Variants in ITFG1 observed in about 807,000 individuals in gnomAD.
The protein encoded by ITFG1 is integrin alpha FG-GAP repeat containing 1, also known as T-cell immunomodulatory protein.
A neutral mutation model predicts 81.8 loss-of-function variants in ITFG1; 34 were observed. That is an observed-to-expected ratio of 0.42 (90% CI 0.32 to 0.55). The LOEUF is 0.55. ITFG1 is among the 20% of genes least tolerant of loss of function. ITFG1 has a pLI of 0.17. For synonymous variants in ITFG1, 285 were observed against 270.6 expected (o/e 1.05, Z -0.52); for missense variants, 672 against 755.4 (o/e 0.89, Z 1.29).
At chr16:47,395,366 C>A (rs1363272204) in intron 6 of ITFG1, among the ~76,000 whole-genome samples, 1 of 152,106 alleles carries the variant, frequency 6.6e-6, no homozygotes, top group African/African-American at 2.4e-5. Context: ...CAATGAGACA[C>A]CATGATCATT....
intron 12 of ITFG1, among the ~76,000 whole-genome samples, chr16:47,242,529 G>A (rs775071781): frequency 2.6e-5 from 4 of 151,690 alleles, no homozygotes; most frequent in Non-Finnish European, 5.9e-5. Context: ...GAAAGGACAA[G>A]GACTATAGAT....
At chr16:47,419,601 CTTTT>C (rs34405979) in intron 6 of ITFG1, among the ~76,000 whole-genome samples, 3 of 81,984 alleles carry the variant, frequency 3.7e-5, no homozygotes, top group South Asian at 5.3e-4. Context: ...TACTTCAGGT[CTTTT>C]TTTTTTTTTT....
intron 10 of ITFG1, among the ~76,000 whole-genome samples, chr16:47,266,348 G>A (rs776621857): frequency 1.3e-5 from 2 of 152,148 alleles, no homozygotes; most frequent in African/African-American, 2.4e-5. Context: ...CTCTGGAGTA[G>A]CTGGAATTAC....
At chr16:47,329,392 C>T (rs893218464) in intron 8 of ITFG1, among the ~76,000 whole-genome samples, 1 of 152,036 alleles carries the variant, frequency 6.6e-6, no homozygotes, top group Non-Finnish European at 1.5e-5. Flanking sequence ...AAAATGCTAC[C>T]AGCAGTCCAC....
At chr16:47,382,514 C>T (rs1005753115) in intron 6 of ITFG1, among the ~76,000 whole-genome samples, 6 of 152,120 alleles carry the variant, frequency 3.9e-5, no homozygotes, top group Admixed American at 6.5e-5. Context: ...TAATTCAAGA[C>T]GGTACACAAC....
intron 10 of ITFG1, among the ~76,000 whole-genome samples, chr16:47,275,379 C>T (rs989202800): frequency 6.6e-6 from 1 of 151,978 alleles, no homozygotes; most frequent in African/African-American, 2.4e-5. Flanking sequence ...CAAGTAAATA[C>T]ACAATAATAG....
intron 6 of ITFG1, among the ~76,000 whole-genome samples, chr16:47,386,753 T>C (rs1391754583): frequency 6.6e-6 from 1 of 152,212 alleles, no homozygotes; most frequent in East Asian, 1.9e-4. Context: ...TCTGGAGCCA[T>C]GCTCAGGGAT....
chr16:47,280,198 T>TA (rs1323992769), intron 10 of ITFG1, among the ~76,000 whole-genome samples: 9 of 152,150 alleles, frequency 5.9e-5, no homozygotes, highest in African/African-American at 2.2e-4. Flanking sequence ...TTCTCAGTAT[T>TA]AGAGAAAAGC....
chr16:47,416,584 C>A (rs1249891578), intron 6 of ITFG1, among the ~76,000 whole-genome samples: 1 of 152,096 alleles, frequency 6.6e-6, no homozygotes, highest in African/African-American at 2.4e-5. Flanking sequence ...GGGAGTGGAC[C>A]CCTCATGAAT....
In ITFG1 at chr16:47,246,030, T is replaced by C. The variant is rs146778596; in HGVS notation, c.1331-8022A>G. Among the ~76,000 whole-genome samples the C allele has an allele frequency of 2.6e-5, 4 of 152,238 alleles. No individual in the cohort carries two copies. The East Asian group carries it at 7.7e-4, about 29-fold the overall frequency. On this transcript the variant is annotated intron_variant, in intron 12 of 17. Transcript: ENST00000320640. ...ATCGATGAACTATTGGGTTATTTTC[T>C]GTATAAGATAAAATGTCTGTGTCTT...
In ITFG1 at chr16:47,374,823, T is replaced by G. The variant is rs115790630; in HGVS notation, c.720+1053A>C. ...GCTTAGAAGTAGTCGGAAGCTCTGATTTCATCTAAACAAAGCAACCCCCCA... is the reference window on the plus strand; with the variant it reads ...GCTTAGAAGTAGTCGGAAGCTCTGAGTTCATCTAAACAAAGCAACCCCCCA... On this transcript the variant is annotated intron_variant, in intron 7 of 17. Transcript: ENST00000320640. Among the ~76,000 whole-genome samples, 1,143 of 152,192 alleles carry G rather than the reference T, an allele frequency of 7.5e-3. 19 individuals are homozygous for G. The highest frequency in any genetic ancestry group is 0.026 in the African/African-American group (1,083 of 41,534).
At chr16:47,216,747 T>C (rs942524812) in intron 14 of ITFG1, among the ~76,000 whole-genome samples, 1 of 150,852 alleles carries the variant, frequency 6.6e-6, no homozygotes, top group Non-Finnish European at 1.5e-5. Context: ...CTGCAACATC[T>C]ACCTCCCAGG....
chr16:47,427,843 ATTG>A (rs1361454168), intron 6 of ITFG1, among the ~76,000 whole-genome samples: 3 of 152,172 alleles, frequency 2.0e-5, no homozygotes, highest in Admixed American at 2.0e-4. Flanking sequence ...ACATTAAGAA[ATTG>A]TTGTTGATTG....
intron 13 of ITFG1, 30 bp from the exon 14 acceptor site, chr16:47,218,976 T>G (rs745740173): frequency 1.4e-6 from 2 of 1,468,784 alleles, no homozygotes; most frequent in Non-Finnish European, 1.9e-6. Flanking sequence ...TAGTTAAGGC[T>G]TGGAAAATAA....
At chr16:47,417,510 A>G (rs1376342493) in intron 6 of ITFG1, among the ~76,000 whole-genome samples, 1 of 152,182 alleles carries the variant, frequency 6.6e-6, no homozygotes, top group Admixed American at 6.5e-5. Context: ...TTCTAACTGT[A>G]TATTTATACC....
chr16:47,350,581 C>G (rs562179906), intron 8 of ITFG1, among the ~76,000 whole-genome samples: 2 of 152,094 alleles, frequency 1.3e-5, no homozygotes, highest in Non-Finnish European at 2.9e-5. Context: ...AATAGCTTAC[C>G]AACCAAAAAC....
chr16:47,245,569 A>ATT (rs996412010), intron 12 of ITFG1, among the ~76,000 whole-genome samples: 2 of 152,106 alleles, frequency 1.3e-5, no homozygotes, highest in Admixed American at 1.3e-4. Context: ...GACCTGGTAC[A>ATT]TTTATACACA....
At chr16:47,349,603 T>A (rs952486356) in intron 8 of ITFG1, among the ~76,000 whole-genome samples, 2 of 152,026 alleles carry the variant, frequency 1.3e-5, no homozygotes, top group African/African-American at 2.4e-5. Flanking sequence ...TCCCACACAA[T>A]AATAATGGGA....
intron 5 of ITFG1, chr16:47,449,024 C>T (rs1158326192): frequency 6.6e-6 from 1 of 152,200 alleles, no homozygotes; most frequent in African/African-American, 2.4e-5. Flanking sequence ...TTCTGCTTAT[C>T]ACCACTGCTG....
Sources: gnomAD v4.1 joint callset for allele counts (sites outside exome capture counted in the v4.1 genomes callset) on GRCh38, gnomAD v4.1.1 for gene constraint, MANE v1.5 for transcripts, NCBI Gene and HGNC (gene_info 2026-07-23, HGNC 2026-07-21) for gene names.